RUFY2: variants seen among roughly 807,000 people sequenced by gnomAD.
RUFY2 encodes RUN and FYVE domain-containing protein 2.
RUFY2 carries 49 observed loss-of-function variants against 94.4 expected under a neutral mutation model. The observed-to-expected ratio is 0.52, with a 90% CI of 0.41 to 0.66. The LOEUF (loss-of-function observed/expected upper bound fraction) is 0.66. RUFY2 is among the 30% of genes least tolerant of loss of function. RUFY2 has a pLI of 0.00. For synonymous variants in RUFY2, 255 were observed against 235.7 expected (o/e 1.08, Z -0.75); for missense variants, 541 against 692.8 (o/e 0.78, Z 2.46).
At chr10:68,361,446 T>C (rs1188051701) in intron 15 of RUFY2, among the ~76,000 whole-genome samples, 2 of 152,208 alleles carry the variant, frequency 1.3e-5, no homozygotes, top group African/African-American at 4.8e-5. Flanking sequence ...GCACTTAGTA[T>C]AGTGCCTGGC....
intron 12 of RUFY2, chr10:68,377,322 A>G: frequency 9.2e-7 from 1 of 1,090,386 alleles, no homozygotes; most frequent in Middle Eastern, 4.2e-4. Flanking sequence ...CCTTTTTACA[A>G]AACCATGAAA....
chr10:68,351,905 A>C (rs2046704867), intron 16 of RUFY2, among the ~76,000 whole-genome samples: 1 of 151,514 alleles, frequency 6.6e-6, no homozygotes, highest in Admixed American at 6.6e-5. Context: ...AAATATACAA[A>C]AATTAGCTGG....
At chr10:68,406,731 C>A (rs2051347957) in intron 1 of RUFY2, 1 of 1,596,482 alleles carries the variant, frequency 6.3e-7, no homozygotes, top group Admixed American at 1.7e-5. Flanking sequence ...GGGGGCCCCC[C>A]AGGACCATCG....
rs534583448 is a variant in RUFY2 at position 68,372,033 on chromosome 10, G to A, written c.1325+4820C>T. On this transcript the variant is annotated intron_variant, in intron 13 of 17. Transcript: ENST00000602465. ...GAGCTGAGCATGGTGGCTCACACCT[G>A]TAATCCCACCTTCTGAGTAGGTTTA... Among the ~76,000 whole-genome samples, 11 of 152,234 alleles carry A rather than the reference G, an allele frequency of 7.2e-5. No individual in the cohort carries two copies. In the East Asian group the frequency reaches 2.1e-3, roughly 29 times the overall value.
intron 13 of RUFY2, among the ~76,000 whole-genome samples, chr10:68,371,534 G>A (rs936801587): frequency 5.9e-5 from 9 of 151,690 alleles, no homozygotes; most frequent in African/African-American, 1.7e-4. Flanking sequence ...GGAGGTTGCA[G>A]AGAGCCGAGA....
chr10:68,348,299 A>G (rs2046422274), intron 16 of RUFY2, among the ~76,000 whole-genome samples: 1 of 151,660 alleles, frequency 6.6e-6, no homozygotes. Flanking sequence ...TTAGACCAGG[A>G]GTTCAAGACC....
At chr10:68,379,590 C>G in intron 11 of RUFY2, 69 bp from the exon 12 acceptor site, 1 of 1,017,106 alleles carries the variant, frequency 9.8e-7, no homozygotes, top group Non-Finnish European at 1.4e-6. Context: ...TGTGTGTGTG[C>G]GTGTTTTTAA....
Position 68,345,829 on chromosome 10 carries a change from A to T in RUFY2, c.1760T>A (p.Val587Glu). 1 of 1,613,994 alleles carries T rather than the reference A, an allele frequency of 6.2e-7. No individual in the cohort carries two copies. Among genetic ancestry groups the T allele is most frequent in the Non-Finnish European group, 8.5e-7 (1 of 1,179,846 alleles). ...TGCATGACAGGAATCACAAACCCGTACTGGTTTTGGTGAAGAAGGCAAAGG... is the reference window on the plus strand; with the variant it reads ...TGCATGACAGGAATCACAAACCCGTTCTGGTTTTGGTGAAGAAGGCAAAGG... ...ELPLPSSPKPVRVCDSCHALL... is the reference protein window; with the variant it reads ...ELPLPSSPKPERVCDSCHALL... Residue 587 changes from valine (V) to glutamate (E), a missense_variant, in exon 18 of 18, where the codon GTA becomes GAA. Transcript: ENST00000602465.
intron 3 of RUFY2, among the ~76,000 whole-genome samples, chr10:68,400,735 T>A (rs571912161): frequency 7.9e-6 from 1 of 126,958 alleles, no homozygotes; most frequent in East Asian, 2.5e-4. Flanking sequence ...AATATAGGCT[T>A]GGCGCGGTGG....
At chr10:68,370,666 A>T (rs542849152) in intron 13 of RUFY2, among the ~76,000 whole-genome samples, 35 of 152,230 alleles carry the variant, frequency 2.3e-4, no homozygotes, top group African/African-American at 7.0e-4. Flanking sequence ...AAACACAAAC[A>T]AAACAAACAA....
chr10:68,377,761 A>T (rs1487379117), intron 12 of RUFY2: 2 of 983,856 alleles, frequency 2.0e-6, no homozygotes, highest in Admixed American at 6.2e-5. Context: ...TATTTTTATA[A>T]GAAAATATTT....
intron 15 of RUFY2, among the ~76,000 whole-genome samples, chr10:68,359,019 T>G (rs1235337556): frequency 6.6e-6 from 1 of 152,172 alleles, no homozygotes; most frequent in Non-Finnish European, 1.5e-5. Context: ...CTCTCTATGA[T>G]ACATATTGCC....
chr10:68,400,264 C>T (rs1034267041), intron 3 of RUFY2, among the ~76,000 whole-genome samples: 2 of 150,648 alleles, frequency 1.3e-5, no homozygotes, highest in African/African-American at 4.9e-5. Context: ...TGCAGTGAGC[C>T]GAGATTGCAC....
intron 10 of RUFY2, among the ~76,000 whole-genome samples, chr10:68,382,388 A>C (rs1475823751): frequency 6.6e-6 from 1 of 151,766 alleles, no homozygotes; most frequent in Non-Finnish European, 1.5e-5. Flanking sequence ...ATTTTTTATC[A>C]GAAGGATTAA....
intron 13 of RUFY2, among the ~76,000 whole-genome samples, chr10:68,371,383 C>T (rs1373111112): frequency 6.6e-6 from 1 of 151,702 alleles, no homozygotes; most frequent in Non-Finnish European, 1.5e-5. Context: ...GATCGCACCA[C>T]TGCACTCCAA....
At chr10:68,405,594 G>A (rs2051229148) in intron 1 of RUFY2, 1 of 738,440 alleles carries the variant, frequency 1.4e-6, no homozygotes, top group Admixed American at 6.3e-5. Context: ...GAATAAACTG[G>A]CAATAAAATA....
At chr10:68,376,756 TTAGA>T in intron 13 of RUFY2, 93 bp downstream of exon 13, 1 of 1,197,010 alleles carries the variant, frequency 8.4e-7, no homozygotes, top group Non-Finnish European at 1.2e-6. Context: ...ACTGGCATCA[TTAGA>T]TAAATAAAAA....
intron 12 of RUFY2, chr10:68,377,258 C>T (rs1269041473): frequency 9.7e-6 from 12 of 1,240,206 alleles, no homozygotes; most frequent in East Asian, 9.3e-5. Context: ...CAGCCTTTAC[C>T]ACTTATGCAG....
chr10:68,362,996 C>T (rs2047558477), intron 15 of RUFY2, among the ~76,000 whole-genome samples: 1 of 152,152 alleles, frequency 6.6e-6, no homozygotes, highest in African/African-American at 2.4e-5. Flanking sequence ...AATTCAGCTT[C>T]TGTTTTTCTG....
Sources: allele counts gnomAD v4.1 joint callset (sites outside exome capture counted in the v4.1 genomes callset), GRCh38; gene constraint gnomAD v4.1.1; transcripts MANE v1.5; gene names NCBI Gene and HGNC (gene_info 2026-07-23, HGNC 2026-07-21).